The following MAP2 variants were observed in gnomAD, a reference collection of about 807,000 sequenced individuals.
The protein encoded by MAP2 is microtubule-associated protein 2.
A neutral mutation model predicts 137.6 loss-of-function variants in MAP2; 14 were observed. The observed-to-expected ratio is 0.10, with a 90% CI of 0.07 to 0.16. The LOEUF (loss-of-function observed/expected upper bound fraction) is 0.16. Among genes scored for constraint, MAP2 ranks in the 10% least tolerant of loss-of-function variants. MAP2 has a pLI of 1.00. For missense variants in MAP2, 2,088 were observed against 2,191.5 expected (o/e 0.95, Z 0.94); for synonymous variants, 786 against 782.3 (o/e 1.00, Z -0.08).
In MAP2 at chr2:209,693,830, A is replaced by T. The variant is rs2059552426; in HGVS notation, c.1660A>T (p.Thr554Ser). Residue 554 changes from threonine to serine, a missense_variant, in exon 8 of 16, where the codon ACA becomes TCA. This residue lies in a region of MAP2 where 859 missense variants were observed against 794.5 expected (regional missense o/e 1.08). Transcript: ENST00000682079. Reference sequence around the variant, plus strand: ...TAAGATTGAAGGAGTTGGAGCTGCAACATCAGCTGAGCTTGATATGCCATT... The same window carrying T: ...TAAGATTGAAGGAGTTGGAGCTGCATCATCAGCTGAGCTTGATATGCCATT... ...KDKIEGVGAA[T>S]SAELDMPFYE... The T allele has an allele frequency of 1.2e-6, 2 of 1,613,916 alleles. No individual in the cohort carries two copies. The highest frequency in any genetic ancestry group is 1.7e-6 in the Non-Finnish European group (2 of 1,179,986).
At chr2:209,459,524 G>A (rs1160911826) in intron 1 of MAP2, among the ~76,000 whole-genome samples, 3 of 152,190 alleles carry the variant, frequency 2.0e-5, no homozygotes, top group Non-Finnish European at 4.4e-5. Flanking sequence ...TGTCTCAGCA[G>A]TGCATCATCC....
At chr2:209,660,918 T>G (rs528142345) in intron 5 of MAP2, among the ~76,000 whole-genome samples, 1 of 148,460 alleles carries the variant, frequency 6.7e-6, no homozygotes, top group East Asian at 2.0e-4. Context: ...GTATTTTTTT[T>G]TTTTTTTAGT....
intron 2 of MAP2, among the ~76,000 whole-genome samples, chr2:209,556,296 G>C (rs978494351): frequency 1.3e-5 from 2 of 151,934 alleles, no homozygotes; most frequent in African/African-American, 4.8e-5. Flanking sequence ...GTCCTGCCTT[G>C]GCCTCCCAAA....
At chr2:209,666,919 G>T (rs1261251287) in intron 5 of MAP2, among the ~76,000 whole-genome samples, 1 of 151,880 alleles carries the variant, frequency 6.6e-6, no homozygotes, top group African/African-American at 2.4e-5. Flanking sequence ...ATCTCCTGAG[G>T]CTTGAATAAT....
chr2:209,492,405 C>T (rs1472056949), intron 1 of MAP2, among the ~76,000 whole-genome samples: 1 of 152,160 alleles, frequency 6.6e-6, no homozygotes, highest in African/African-American at 2.4e-5. Flanking sequence ...TCTCTCACCA[C>T]TCCTATTTAA....
At chr2:209,446,081 A>T (rs1033963859) in intron 1 of MAP2, among the ~76,000 whole-genome samples, 4 of 151,800 alleles carry the variant, frequency 2.6e-5, no homozygotes, top group African/African-American at 7.2e-5. Flanking sequence ...TAATGCCGTA[A>T]TATGGTCATA....
At chr2:209,500,964 G>A (rs1351842629) in intron 1 of MAP2, among the ~76,000 whole-genome samples, 1 of 149,624 alleles carries the variant, frequency 6.7e-6, no homozygotes, top group African/African-American at 2.5e-5. Context: ...CTGAGGCTGG[G>A]GAGGTCGAGA....
At chr2:209,685,386 C>A (rs2056637114) in intron 7 of MAP2, among the ~76,000 whole-genome samples, 1 of 152,178 alleles carries the variant, frequency 6.6e-6, no homozygotes, top group Non-Finnish European at 1.5e-5. Flanking sequence ...ATACACAACA[C>A]AATAAGAAAT....
At chr2:209,540,567 G>T in intron 2 of MAP2, among the ~76,000 whole-genome samples, 1 of 128,252 alleles carries the variant, frequency 7.8e-6, no homozygotes, top group South Asian at 2.6e-4. Flanking sequence ...GGAGGCGGAG[G>T]TTGCAGTGAG....
chr2:209,617,250 C>A (rs1409064560), intron 3 of MAP2, among the ~76,000 whole-genome samples: 1 of 152,050 alleles, frequency 6.6e-6, no homozygotes, highest in Non-Finnish European at 1.5e-5. Context: ...AAACTGCTTC[C>A]TAGGCCTTCA....
intron 1 of MAP2, among the ~76,000 whole-genome samples, chr2:209,492,702 G>A (rs1366598959): frequency 1.3e-5 from 2 of 152,066 alleles, no homozygotes; most frequent in African/African-American, 4.8e-5. Flanking sequence ...GCTATAAAGA[G>A]AATAAAATAC....
At chr2:209,501,633 C>T (rs1051082776) in intron 1 of MAP2, among the ~76,000 whole-genome samples, 3 of 152,054 alleles carry the variant, frequency 2.0e-5, no homozygotes, top group Non-Finnish European at 1.5e-5. Flanking sequence ...ATTTTATTTG[C>T]GTTTTGCTTA....
At chr2:209,490,034 G>A (rs2058877196) in intron 1 of MAP2, among the ~76,000 whole-genome samples, 1 of 152,172 alleles carries the variant, frequency 6.6e-6, no homozygotes, top group Non-Finnish European at 1.5e-5. Flanking sequence ...CAGAGATAAA[G>A]GTTGGGTTAC....
chr2:209,588,957 G>A (rs1158570184), intron 3 of MAP2, among the ~76,000 whole-genome samples: 3 of 152,118 alleles, frequency 2.0e-5, no homozygotes, highest in African/African-American at 4.8e-5. Flanking sequence ...AATTCTGGCT[G>A]TACTTTTCCT....
At chr2:209,563,929 G>T (rs1313147902) in intron 2 of MAP2, among the ~76,000 whole-genome samples, 1 of 152,188 alleles carries the variant, frequency 6.6e-6, no homozygotes, top group Non-Finnish European at 1.5e-5. Context: ...AATGCTGAAG[G>T]TAACTTTCTA....
intron 5 of MAP2, among the ~76,000 whole-genome samples, chr2:209,676,609 A>G (rs907116971): frequency 2.0e-5 from 3 of 151,108 alleles, no homozygotes; most frequent in African/African-American, 7.3e-5. Context: ...GAGATAAGCC[A>G]TGTGAACCAG....
chr2:209,675,190 C>G (rs1459773109), intron 5 of MAP2, among the ~76,000 whole-genome samples: 1 of 151,850 alleles, frequency 6.6e-6, no homozygotes, highest in Non-Finnish European at 1.5e-5. Context: ...CTCAAATCCT[C>G]TTAAATTACT....
chr2:209,724,127 A>G (rs1474419098), intron 13 of MAP2, among the ~76,000 whole-genome samples: 1 of 152,234 alleles, frequency 6.6e-6, no homozygotes, highest in Non-Finnish European at 1.5e-5. Flanking sequence ...TGTAATGTCA[A>G]TCTTCAGTGG....
At chr2:209,494,547 T>C (rs1232690481) in intron 1 of MAP2, among the ~76,000 whole-genome samples, 1 of 151,994 alleles carries the variant, frequency 6.6e-6, no homozygotes, top group East Asian at 1.9e-4. Context: ...ACAAATCCCA[T>C]GGCAATATCA....
Sources: allele counts gnomAD v4.1 joint callset (sites outside exome capture counted in the v4.1 genomes callset), GRCh38; gene constraint gnomAD v4.1.1; regional missense constraint gnomAD v4.1.1; transcripts MANE v1.5; gene names NCBI Gene and HGNC (gene_info 2026-07-23, HGNC 2026-07-21).